ZNF665: variants seen among roughly 807,000 people sequenced by gnomAD.
ZNF665 encodes zinc finger protein 665.
A neutral mutation model predicts 7.9 loss-of-function variants in ZNF665; 6 were observed. That is an observed-to-expected ratio of 0.76 (90% confidence interval 0.42 to 1.50). The LOEUF (loss-of-function observed/expected upper bound fraction) is 1.50. Among genes scored for constraint, ZNF665 ranks in the 40% most tolerant of loss-of-function variants. The probability of loss-of-function intolerance (pLI) is 0.01; values close to 1 mark genes in which losing one functional copy is unlikely to be tolerated. For synonymous variants in ZNF665, 242 were observed against 274.5 expected (o/e 0.88, Z 1.17); for missense variants, 819 against 806.7 (o/e 1.02, Z -0.18).
At chr19:53,178,323 G>A (rs1385385775) in intron 2 of ZNF665, among the ~76,000 whole-genome samples, 2 of 152,214 alleles carry the variant, frequency 1.3e-5, no homozygotes, top group African/African-American at 4.8e-5. Flanking sequence ...AGATTGGTCT[G>A]AATAGTTTCT....
rs2146836685 is a variant in ZNF665 at position 53,166,223 on chromosome 19, C to A, written c.267G>T (p.Gln89His). 1.2e-6 allele frequency: 2 copies of A among 1,613,926 alleles called. No homozygotes were observed. Among genetic ancestry groups the A allele is most frequent in the East Asian group, 4.5e-5 (2 of 44,872 alleles). Residue 89 changes from glutamine to histidine, a missense_variant, in exon 4 of 4, where the codon CAG (glutamine) becomes CAT (histidine). Transcript: ENST00000396424. ...AGTCGTATGTATTTTTCTGAACTTCCTGGAAGGACAAGCCTACAGTGTCAC... is the reference window on the plus strand; with the variant it reads ...AGTCGTATGTATTTTTCTGAACTTCATGGAAGGACAAGCCTACAGTGTCAC... ...ESCDTVGLSF[Q>H]EVQKNTYDFE...
intron 1 of ZNF665, among the ~76,000 whole-genome samples, chr19:53,189,648 G>A (rs959464424): frequency 4.7e-5 from 7 of 148,374 alleles, no homozygotes; most frequent in Non-Finnish European, 8.9e-5. Flanking sequence ...CGGACTAGGA[G>A]CGTGACCACC....
At chr19:53,185,404 T>A (rs1264076418) in intron 1 of ZNF665, among the ~76,000 whole-genome samples, 1 of 152,080 alleles carries the variant, frequency 6.6e-6, no homozygotes, top group Non-Finnish European at 1.5e-5. Flanking sequence ...TCAGCTCCTA[T>A]CTCTGTATGG....
chr19:53,167,247 C>T (rs536415916), intron 3 of ZNF665, among the ~76,000 whole-genome samples: 30 of 152,132 alleles, frequency 2.0e-4, no homozygotes, highest in Admixed American at 6.5e-4. Flanking sequence ...GTGATCCCCC[C>T]GCCTCAGCCT....
At position 53,164,832 on chromosome 19, in the gene ZNF665, T is replaced by C. The variant is rs866136806; in HGVS notation, c.1658A>G (p.His553Arg). 1.9e-6 allele frequency: 3 copies of C among 1,614,214 alleles called. No individual in the cohort carries two copies. Among genetic ancestry groups the C allele is most frequent in the Middle Eastern group, 3.3e-4 (2 of 6,062 alleles). Reference protein sequence around the residue: ...KCNDCGKVFRHNSYLAIHQRI... With the variant: ...KCNDCGKVFRRNSYLAIHQRI... ...CTGATGAATTGCAAGGTACGAATTGTGTCTGAAGACCTTGCCGCAATCATT... is the reference window on the plus strand; with the variant it reads ...CTGATGAATTGCAAGGTACGAATTGCGTCTGAAGACCTTGCCGCAATCATT... Residue 553 changes from histidine (H) to arginine (R), a missense_variant, in exon 4 of 4, where the codon CAC becomes CGC. Physicochemically the swap from His to Arg is conservative, Grantham distance 29. Coordinates refer to ENST00000396424, the MANE Select transcript of ZNF665 (RefSeq NM_024733.5).
At chr19:53,183,499 G>A (rs1177106176) in intron 1 of ZNF665, among the ~76,000 whole-genome samples, 1 of 152,004 alleles carries the variant, frequency 6.6e-6, no homozygotes, top group Non-Finnish European at 1.5e-5. Context: ...CCACTGAGAG[G>A]GGCCGAGCCC....
Position 53,166,361 on chromosome 19 carries a change from A to T in ZNF665, c.143-14T>A, listed in dbSNP as rs2090616142. On this transcript the variant is annotated splice_polypyrimidine_tract_variant and intron_variant, in intron 3 of 3. Coordinates refer to ENST00000396424, the MANE Select transcript of ZNF665 (RefSeq NM_024733.5). Reference sequence around the variant, plus strand: ...TACAAGAGATATCTGTAAGATATAAACAACCATAGATTTCCAGTTAACTAT... The same window carrying T: ...TACAAGAGATATCTGTAAGATATAATCAACCATAGATTTCCAGTTAACTAT... 1 of 1,529,506 alleles carries T rather than the reference A, an allele frequency of 6.5e-7. No individual in the cohort carries two copies. The highest frequency in any genetic ancestry group is 2.3e-5 in the East Asian group (1 of 43,928). The allele number at this position is 1,529,506 out of a possible 1,614,324, so 94.7% of individuals were successfully genotyped here.
chr19:53,178,717 G>A (rs2090715801), intron 2 of ZNF665, among the ~76,000 whole-genome samples: 1 of 152,202 alleles, frequency 6.6e-6, no homozygotes, highest in Non-Finnish European at 1.5e-5. Flanking sequence ...AGTGTTTTAT[G>A]AAGAAAGAGA....
At chr19:53,175,604 A>G (rs769676753) in intron 2 of ZNF665, 33 bp from the exon 3 acceptor site, 1 of 1,571,484 alleles carries the variant, frequency 6.4e-7, no homozygotes, top group East Asian at 2.3e-5. Context: ...CCAAGTGACT[A>G]TGAGGAAAAT....
chr19:53,179,159 G>T (rs1368878588), intron 2 of ZNF665, among the ~76,000 whole-genome samples: 9 of 152,054 alleles, frequency 5.9e-5, no homozygotes, highest in Admixed American at 6.5e-5. Context: ...GGATCACGAG[G>T]TCAGGAGATC....
At chr19:53,182,532 C>T (rs2090745608) in intron 2 of ZNF665, 2 of 650,986 alleles carry the variant, frequency 3.1e-6, no homozygotes, top group East Asian at 5.5e-5. Context: ...GACTTCATAA[C>T]CAGCTTCTCT....
chr19:53,182,928 T>C lies in ZNF665; in HGVS notation c.-30A>G. ...GACTCCTTTGCCTTCCTCTTCCTCT[T>C]CTTCCAGGGTTCTACCTTGGGTAAC... On this transcript the variant is annotated 5_prime_UTR_variant, in exon 2 of 4. Coordinates refer to ENST00000396424, the MANE Select transcript of ZNF665 (RefSeq NM_024733.5). 1.9e-6 allele frequency: 3 copies of C among 1,608,096 alleles called. No individual in the cohort carries two copies. Among genetic ancestry groups the C allele is most frequent in the Non-Finnish European group, 2.5e-6 (3 of 1,179,854 alleles).
chr19:53,167,581 G>T (rs2146840166), intron 3 of ZNF665, among the ~76,000 whole-genome samples: 1 of 150,668 alleles, frequency 6.6e-6, no homozygotes, highest in East Asian at 2.1e-4. Flanking sequence ...CGAGTAGCTG[G>T]GACTACAGGC....
intron 3 of ZNF665, 81 bp downstream of exon 3, chr19:53,175,364 G>T: frequency 6.5e-7 from 1 of 1,532,232 alleles, no homozygotes. Context: ...AAGCAATGCA[G>T]GGGCTCTCAA....
intron 3 of ZNF665, among the ~76,000 whole-genome samples, chr19:53,175,006 G>C (rs979515083): frequency 6.6e-6 from 1 of 150,674 alleles, no homozygotes; most frequent in Non-Finnish European, 1.5e-5. Flanking sequence ...ATAATGTGCT[G>C]TGGCTTTTCC....
At chr19:53,180,406 C>T (rs1319765016) in intron 2 of ZNF665, among the ~76,000 whole-genome samples, 2 of 151,120 alleles carry the variant, frequency 1.3e-5, no homozygotes, top group Non-Finnish European at 2.9e-5. Context: ...TCACTCCAGC[C>T]TGGGCAAAAG....
chr19:53,183,072 G>T (rs914199359), intron 1 of ZNF665, 129 bp from the exon 2 acceptor site: 16 of 1,020,216 alleles, frequency 1.6e-5, no homozygotes, highest in Non-Finnish European at 2.4e-5. Flanking sequence ...TATACACAGG[G>T]AAGATGGTCC....
Position 53,165,399 on chromosome 19 carries a change from T to C in ZNF665, c.1091A>G (p.His364Arg), listed in dbSNP as rs754435015. The C allele has an allele frequency of 1.9e-6, 3 of 1,614,214 alleles. No individual in the cohort carries two copies. Among genetic ancestry groups the C allele is most frequent in the South Asian group, 2.2e-5 (2 of 91,086 alleles). Reference protein sequence around the residue: ...VFRHNSYLAKHRRIHTGEKPY... With the variant: ...VFRHNSYLAKRRRIHTGEKPY... ...TTTCTCACCAGTATGAATTCGCCGA[T>C]GCTTTGCAAGGTATGAATTGTGCCT... Residue 364 changes from histidine (H) to arginine (R), a missense_variant, in exon 4 of 4, where the codon CAT (histidine) becomes CGT (arginine). Coordinates refer to ENST00000396424, the MANE Select transcript of ZNF665 (RefSeq NM_024733.5).
chr19:53,183,509 C>G (rs1286942364), intron 1 of ZNF665, among the ~76,000 whole-genome samples: 3 of 151,834 alleles, frequency 2.0e-5, no homozygotes, highest in Non-Finnish European at 4.4e-5. Flanking sequence ...GGGCCGAGCC[C>G]AGCACAGCCC....
Sources: allele counts gnomAD v4.1 joint callset (sites outside exome capture counted in the v4.1 genomes callset), GRCh38; gene constraint gnomAD v4.1.1; transcripts MANE v1.5; gene names NCBI Gene and HGNC (gene_info 2026-07-23, HGNC 2026-07-21).